Variants in ZNF423 observed in about 807,000 individuals in gnomAD.
ZNF423 encodes the protein Ebf-associated zinc finger protein.
ZNF423 carries 12 observed loss-of-function variants against 95.8 expected under a neutral mutation model. The observed-to-expected ratio is 0.13, with a 90% CI of 0.08 to 0.20. The LOEUF is 0.20. ZNF423 is among the 10% of genes least tolerant of loss of function. The pLI, the probability that ZNF423 is intolerant of heterozygous loss-of-function variation, is 1.00. For missense variants in ZNF423, 1,316 were observed against 1,737.1 expected (o/e 0.76, Z 4.31); for synonymous variants, 749 against 711.9 (o/e 1.05, Z -0.83).
intron 3 of ZNF423, among the ~76,000 whole-genome samples, chr16:49,639,361 G>A (rs977196086): frequency 7.2e-5 from 11 of 152,284 alleles, no homozygotes; most frequent in African/African-American, 2.4e-4. Flanking sequence ...GCAAAATTTT[G>A]CAACAACAAA....
Position 49,594,936 on chromosome 16 carries a change from G to A in ZNF423, c.3601+31234C>T, listed in dbSNP as rs371233822. On this transcript the variant is annotated intron_variant, in intron 5 of 7. Coordinates refer to ENST00000563137, the MANE Select transcript of ZNF423 (RefSeq NM_001379286.1). ...GAAGGAGGCTGGTTCTTACAAAACT[G>A]GACCTTGGTCAGTTGCTCCCAAAAC... 4.6e-5 allele frequency among the ~76,000 whole-genome samples: 7 copies of A among 152,328 alleles called. No individual in the cohort carries two copies. In the East Asian group the frequency reaches 7.7e-4, roughly 17 times the overall value.
chr16:49,798,687 C>T (rs553565034), intron 1 of ZNF423, among the ~76,000 whole-genome samples: 6 of 152,316 alleles, frequency 3.9e-5, no homozygotes, highest in African/African-American at 1.2e-4. Context: ...GATAGATGGT[C>T]AGTGGGTCTC....
chr16:49,686,862 G>T (rs1186482548), intron 3 of ZNF423, among the ~76,000 whole-genome samples: 2 of 151,956 alleles, frequency 1.3e-5, no homozygotes, highest in Admixed American at 6.6e-5. Flanking sequence ...CTCCCAGGCA[G>T]AACCCCCATC....
At chr16:49,578,259 T>C (rs1970559178) in intron 5 of ZNF423, among the ~76,000 whole-genome samples, 1 of 152,206 alleles carries the variant, frequency 6.6e-6, no homozygotes, top group African/African-American at 2.4e-5. Flanking sequence ...AGAGGTGGCC[T>C]CTGTCCAGCC....
chr16:49,542,319 G>A (rs1194908318), intron 5 of ZNF423, among the ~76,000 whole-genome samples: 2 of 152,298 alleles, frequency 1.3e-5, no homozygotes, highest in African/African-American at 2.4e-5. Context: ...TTTCAAGCCC[G>A]GGCTCTGCCA....
Position 49,636,723 on chromosome 16 carries a change from T to C in ZNF423, c.2453A>G (p.Lys818Arg), listed in dbSNP as rs1972733650. Residue 818 changes from lysine (K) to arginine (R), a missense_variant, in exon 4 of 8, where the codon AAG (lysine) becomes AGG (arginine). Physicochemically the swap from Lys to Arg is conservative, Grantham distance 26. Transcript: ENST00000563137. This position sits in a 1 kb window ranked among gnomAD's most constrained non-coding sequence, Gnocchi z 8.6. ...ITTHSKKYNC[K>R]FCSKAFHAII... The stretch of plus-strand genomic sequence containing the variant: ...GGCGTGGAAGGCCTTGCTGCAGAAC[T>C]TACAGTTATACTTCTTGCTGTGTGT... The C allele has an allele frequency of 1.9e-6, 3 of 1,614,082 alleles. No homozygotes were observed. Among genetic ancestry groups the C allele is most frequent in the South Asian group, 1.1e-5 (1 of 91,080 alleles).
chr16:49,727,280 C>G (rs1340293105), intron 3 of ZNF423, among the ~76,000 whole-genome samples: 1 of 152,154 alleles, frequency 6.6e-6, no homozygotes, highest in Admixed American at 6.5e-5. Context: ...GGTGCCTTCT[C>G]GAGCTCCCAA....
chr16:49,525,621 G>A, intron 5 of ZNF423, 127 bp from the exon 6 acceptor site: 3 of 1,356,808 alleles, frequency 2.2e-6, no homozygotes, highest in Non-Finnish European at 3.0e-6. Context: ...CTGGTGAAGG[G>A]ACTGCAGACA....
chr16:49,767,400 G>A (rs529828422), intron 2 of ZNF423, among the ~76,000 whole-genome samples: 43 of 152,278 alleles, frequency 2.8e-4, no homozygotes, highest in Non-Finnish European at 5.1e-4. Flanking sequence ...CCAGCCAAGA[G>A]GCTGCATCAG....
In ZNF423 at chr16:49,855,594, G is replaced by A; in HGVS notation, c.40+141C>T. The A allele has an allele frequency of 1.2e-5, 2 of 172,292 alleles. No individual in the cohort carries two copies. Among genetic ancestry groups the A allele is most frequent in the South Asian group, 1.1e-4 (1 of 9,308 alleles). The allele number at this position is 172,292 out of a possible 1,614,324, so 10.7% of individuals were successfully genotyped here. Reference sequence around the variant, plus strand: ...CTCCTCCGCCTCCGCCTCCGCCTCCGCCTCCTCTGCCGCCTCCTCCTCCTC... The same window carrying A: ...CTCCTCCGCCTCCGCCTCCGCCTCCACCTCCTCTGCCGCCTCCTCCTCCTC... On this transcript the variant is annotated intron_variant, in intron 1 of 7. Coordinates refer to ENST00000563137, the MANE Select transcript of ZNF423 (RefSeq NM_001379286.1). This position sits in a 1 kb window ranked among gnomAD's most constrained non-coding sequence, Gnocchi z 4.7.
chr16:49,825,864 G>A lies in ZNF423; in HGVS notation c.40+29871C>T, dbSNP rs545072392. ...ACACAGGCGGTTCCAGGCCCTTTCC[G>A]AGGGACCAACAAGGTTTCAGAAGAA... On this transcript the variant is annotated intron_variant, in intron 1 of 7. Transcript: ENST00000563137. 1.9e-4 allele frequency among the ~76,000 whole-genome samples: 29 copies of A among 152,206 alleles called. No individual in the cohort carries two copies. In the South Asian group the frequency reaches 5.8e-3, roughly 31 times the overall value.
chr16:49,532,474 A>G (rs1968883714), intron 5 of ZNF423, among the ~76,000 whole-genome samples: 1 of 152,194 alleles, frequency 6.6e-6, no homozygotes, highest in African/African-American at 2.4e-5. Context: ...CATTCTGCCC[A>G]GAAGGGACCC....
chr16:49,637,029 T>C lies in ZNF423; in HGVS notation c.2147A>G (p.Gln716Arg). The C allele has an allele frequency of 6.2e-7, 1 of 1,613,990 alleles. No homozygotes were observed. The highest frequency in any genetic ancestry group is 8.5e-7 in the Non-Finnish European group (1 of 1,180,028). Residue 716 changes from glutamine (Q) to arginine (R), a missense_variant, in exon 4 of 8, where the codon CAG (glutamine) becomes CGG (arginine). Physicochemically the swap from Gln to Arg is conservative, Grantham distance 43. Around this residue, in one of 6 missense-constraint regions of ZNF423, gnomAD observed 620 missense variants for 775.6 expected, o/e 0.80. Coordinates refer to ENST00000563137, the MANE Select transcript of ZNF423 (RefSeq NM_001379286.1). This position sits in a 1 kb window ranked among gnomAD's most constrained non-coding sequence, Gnocchi z 5.6. Reference sequence around the variant, plus strand: ...GGTGTGCATGTCCAGCAGGTGCTTCTGCAGGTCATCCACCGAGGAAAATTG... The same window carrying C: ...GGTGTGCATGTCCAGCAGGTGCTTCCGCAGGTCATCCACCGAGGAAAATTG... ...DKQFSSVDDL[Q>R]KHLLDMHTFV...
In ZNF423 at chr16:49,612,236, C is replaced by T. The variant is rs116424396; in HGVS notation, c.3601+13934G>A. Among the ~76,000 whole-genome samples the T allele has an allele frequency of 2.7e-3, 409 of 151,842 alleles. 4 individuals are homozygous for T. The highest frequency in any genetic ancestry group is 8.3e-3 in the African/African-American group (345 of 41,428). ...TAAACACAGATACAAAAATCCCTGA[C>T]GAAGTATTAGCAAATAGCAGTTAGC... On this transcript the variant is annotated intron_variant, in intron 5 of 7. Transcript: ENST00000563137.
chr16:49,781,437 T>C (rs2034209946), intron 2 of ZNF423, among the ~76,000 whole-genome samples: 1 of 152,136 alleles, frequency 6.6e-6, no homozygotes. Flanking sequence ...GGAAACCCAC[T>C]GCGAGTTCAG....
At chr16:49,550,774 T>G (rs1969603244) in intron 5 of ZNF423, among the ~76,000 whole-genome samples, 1 of 152,164 alleles carries the variant, frequency 6.6e-6, no homozygotes, top group Non-Finnish European at 1.5e-5. Context: ...CCAGTAATGA[T>G]TTTGGGGATG....
chr16:49,729,892 G>A (rs1332309888), intron 3 of ZNF423, among the ~76,000 whole-genome samples: 1 of 152,032 alleles, frequency 6.6e-6, no homozygotes, highest in African/African-American at 2.4e-5. Flanking sequence ...AACAAGTGAT[G>A]GGTTCCCTTT....
At chr16:49,825,546 GA>G (rs2034996417) in intron 1 of ZNF423, among the ~76,000 whole-genome samples, 1 of 151,232 alleles carries the variant, frequency 6.6e-6, no homozygotes, top group African/African-American at 2.4e-5. Flanking sequence ...CAGTACCAGA[GA>G]AATAAAGTTG....
At chr16:49,659,647 G>C (rs2030094926) in intron 3 of ZNF423, among the ~76,000 whole-genome samples, 1 of 152,250 alleles carries the variant, frequency 6.6e-6, no homozygotes, top group South Asian at 2.1e-4. Context: ...CGGGTGGACA[G>C]TGTAATGCAG....
Sources: gnomAD v4.1 joint callset for allele counts (sites outside exome capture counted in the v4.1 genomes callset) on GRCh38, gnomAD v4.1.1 for gene constraint, gnomAD v4.1.1 regional missense constraint, Gnocchi (gnomAD v3.1) non-coding constraint, MANE v1.5 for transcripts, NCBI Gene and HGNC (gene_info 2026-07-23, HGNC 2026-07-21) for gene names.